The following PPP3CA variants were observed in gnomAD, a reference collection of about 807,000 sequenced individuals.
PPP3CA encodes protein phosphatase 3 catalytic subunit alpha.
Under a neutral mutation model 66.5 loss-of-function variants are expected in PPP3CA, and 14 were observed. The observed-to-expected ratio is 0.21, with a 90% CI of 0.14 to 0.33. The LOEUF (loss-of-function observed/expected upper bound fraction) is 0.33, where lower values mean the gene tolerates loss of function less well. Among genes scored for constraint, PPP3CA ranks in the 10% least tolerant of loss-of-function variants. The probability of loss-of-function intolerance (pLI) is 1.00; values close to 1 mark genes in which losing one functional copy is unlikely to be tolerated. For missense variants in PPP3CA, 317 were observed against 639.5 expected, an observed-to-expected ratio of 0.50 and a Z score of 5.44; for synonymous variants, 232 against 226.2, an observed-to-expected ratio of 1.03 and a Z score of -0.23.
intron 1 of PPP3CA, among the ~76,000 whole-genome samples, chr4:101,204,380 T>C (rs976103548): frequency 5.9e-5 from 9 of 152,248 alleles, no homozygotes; most frequent in African/African-American, 2.2e-4. Flanking sequence ...CTCACGCCTG[T>C]AATCCCAGCA....
chr4:101,310,852 C>CA (rs1728699293), intron 1 of PPP3CA, among the ~76,000 whole-genome samples: 1 of 152,122 alleles, frequency 6.6e-6, no homozygotes, highest in African/African-American at 2.4e-5. Flanking sequence ...ATGTACTTGG[C>CA]AATTCACCTA....
intron 1 of PPP3CA, among the ~76,000 whole-genome samples, chr4:101,276,873 C>T (rs1374229142): frequency 6.6e-6 from 1 of 152,122 alleles, no homozygotes; most frequent in African/African-American, 2.4e-5. Context: ...AGCGTTGATA[C>T]GTTATTATTA....
chr4:101,162,211 G>A (rs947821314), intron 2 of PPP3CA, among the ~76,000 whole-genome samples: 2 of 152,004 alleles, frequency 1.3e-5, no homozygotes, highest in Non-Finnish European at 1.5e-5. Context: ...CTGCACTCCA[G>A]CCTGGGAGAC....
At chr4:101,063,916 T>C (rs1396966973) in intron 8 of PPP3CA, among the ~76,000 whole-genome samples, 1 of 151,964 alleles carries the variant, frequency 6.6e-6, no homozygotes, top group African/African-American at 2.4e-5. Context: ...AGTAATCAGA[T>C]CAGGGTAATT....
chr4:101,040,666 GTATT>G, intron 10 of PPP3CA, 100 bp from the exon 11 acceptor site: 1 of 883,070 alleles, frequency 1.1e-6, no homozygotes, highest in South Asian at 2.3e-5. Context: ...AGCAAAATCA[GTATT>G]TTTTTTTTTT....
At chr4:101,288,378 C>T (rs765745981) in intron 1 of PPP3CA, among the ~76,000 whole-genome samples, 19 of 152,088 alleles carry the variant, frequency 1.2e-4, no homozygotes, top group Non-Finnish European at 2.2e-4. Context: ...GTTACCTACC[C>T]CCCAAAAATT....
chr4:101,243,540 C>T lies in PPP3CA; in HGVS notation c.59-47424G>A, dbSNP rs1487738565. ...CTTTTTTCCTGTCATTATATCTAAA[C>T]ATGGTATGACCACTATTTACATAGA... is the stretch of plus-strand genomic sequence containing the variant. On this transcript the variant is annotated intron_variant, in intron 1 of 13. Coordinates refer to ENST00000394854, the MANE Select transcript of PPP3CA (RefSeq NM_000944.5). Among the ~76,000 whole-genome samples, 6 of 152,232 alleles carry T rather than the reference C, an allele frequency of 3.9e-5. No homozygotes were observed. The South Asian group carries it at 1.2e-3, about 32-fold the overall frequency.
At chr4:101,331,020 T>C (rs1186562880) in intron 1 of PPP3CA, among the ~76,000 whole-genome samples, 1 of 152,134 alleles carries the variant, frequency 6.6e-6, no homozygotes, top group Non-Finnish European at 1.5e-5. Flanking sequence ...AAGTATTAGA[T>C]TTTTCTCCCA....
intron 2 of PPP3CA, among the ~76,000 whole-genome samples, chr4:101,132,867 T>C (rs1292204806): frequency 2.6e-5 from 4 of 152,138 alleles, no homozygotes; most frequent in Admixed American, 2.6e-4. Context: ...ACTGGCAAAC[T>C]GAATACAGCA....
At chr4:101,322,971 ATATG>A (rs1330982357) in intron 1 of PPP3CA, among the ~76,000 whole-genome samples, 3 of 152,186 alleles carry the variant, frequency 2.0e-5, no homozygotes, top group African/African-American at 7.2e-5. Flanking sequence ...ATGTGTGTAT[ATATG>A]TATCAATGTA....
rs200757163 is a variant in PPP3CA, at chr4:101,063,275, G to A, written c.1038C>T (p.Phe346=). ...CSPHPYWLPN[F]MDVFTWSLPF... ...GAAGGGACCAAGTAAAAACATCCAT[G>A]AAATTTGGAAGCCAGTATGGATGAG... Residue 346 remains phenylalanine (F), a synonymous_variant, in exon 9 of 14, where the codon TTC becomes TTT. Transcript: ENST00000394854. 27 of 1,611,628 alleles carry A rather than the reference G, an allele frequency of 1.7e-5. No homozygotes were observed. The East Asian group carries it at 5.8e-4, about 35-fold the overall frequency.
intron 2 of PPP3CA, among the ~76,000 whole-genome samples, chr4:101,109,682 T>G (rs1721606762): frequency 6.9e-6 from 1 of 145,598 alleles, no homozygotes; most frequent in African/African-American, 2.7e-5. Context: ...AAACTCCAAT[T>G]AAACTTAAAT....
chr4:101,162,460 G>A (rs1168722722), intron 2 of PPP3CA, among the ~76,000 whole-genome samples: 2 of 151,716 alleles, frequency 1.3e-5, no homozygotes, highest in Non-Finnish European at 2.9e-5. Flanking sequence ...AACCTGGGAA[G>A]CAGATGTTGC....
At chr4:101,144,432 T>C (rs10516472) in intron 2 of PPP3CA, among the ~76,000 whole-genome samples, 13,920 of 152,032 alleles carry the variant, frequency 0.092, 845 homozygotes, top group South Asian at 0.16. Flanking sequence ...TTAGGACACA[T>C]TTGAATGCCT....
intron 1 of PPP3CA, among the ~76,000 whole-genome samples, chr4:101,262,555 A>G (rs1727042486): frequency 6.6e-6 from 1 of 152,146 alleles, no homozygotes; most frequent in African/African-American, 2.4e-5. Context: ...AACCTTAGGA[A>G]GTGGCTAGTT....
intron 6 of PPP3CA, among the ~76,000 whole-genome samples, chr4:101,089,313 G>C (rs1030656859): frequency 2.0e-5 from 3 of 152,228 alleles, no homozygotes; most frequent in African/African-American, 7.2e-5. Flanking sequence ...AGGAGAATCA[G>C]GATATATAAA....
chr4:101,194,740 T>C (rs1160791455), intron 2 of PPP3CA, among the ~76,000 whole-genome samples: 1 of 152,038 alleles, frequency 6.6e-6, no homozygotes, highest in South Asian at 2.1e-4. Flanking sequence ...CTAATTTTTG[T>C]ATTTTTAGTA....
intron 2 of PPP3CA, among the ~76,000 whole-genome samples, chr4:101,191,545 G>C (rs144214825): frequency 2.6e-5 from 4 of 152,000 alleles, no homozygotes; most frequent in African/African-American, 9.7e-5. Flanking sequence ...CTAAAGATTT[G>C]GCCACTAAAA....
At chr4:101,209,267 G>T (rs1250030366) in intron 1 of PPP3CA, among the ~76,000 whole-genome samples, 1 of 152,116 alleles carries the variant, frequency 6.6e-6, no homozygotes, top group Non-Finnish European at 1.5e-5. Flanking sequence ...TAACCAAACT[G>T]CCAAGTTACA....
Sources: gnomAD v4.1 joint callset for allele counts (sites outside exome capture counted in the v4.1 genomes callset) on GRCh38, gnomAD v4.1.1 for gene constraint, MANE v1.5 for transcripts, NCBI Gene and HGNC (gene_info 2026-07-23, HGNC 2026-07-21) for gene names.